Variants in GLIPR2 observed in about 807,000 individuals in gnomAD.
GLIPR2 encodes Golgi-associated plant pathogenesis-related protein 1.
In GLIPR2, 21 loss-of-function variants were observed where a neutral mutation model predicts 20.4. The observed-to-expected ratio is 1.03, with a 90% CI of 0.73 to 1.48. The LOEUF is 1.48. Ranked by LOEUF, GLIPR2 falls within the 40% of genes most tolerant of loss-of-function variation. The probability of loss-of-function intolerance (pLI) is 0.00; values close to 1 mark genes in which losing one functional copy is unlikely to be tolerated. For synonymous variants in GLIPR2, 91 were observed against 80.5 expected, an observed-to-expected ratio of 1.13 and a Z score of -0.70; for missense variants, 205 against 200.1, an observed-to-expected ratio of 1.02 and a Z score of -0.15.
intron 1 of GLIPR2, among the ~76,000 whole-genome samples, chr9:36,140,161 C>CTTG (rs1825010600): frequency 6.6e-6 from 1 of 152,172 alleles, no homozygotes; most frequent in African/African-American, 2.4e-5. Flanking sequence ...CTTGCCCTGA[C>CTTG]ACCCTGCTCC....
chr9:36,149,415 G>A (rs536654847), intron 3 of GLIPR2, among the ~76,000 whole-genome samples: 42 of 152,334 alleles, frequency 2.8e-4, no homozygotes, highest in Middle Eastern at 3.4e-3. Flanking sequence ...GTGCAACGTG[G>A]TCCTTGGCAC....
At chr9:36,161,716 A>G (rs913173472) in intron 4 of GLIPR2, among the ~76,000 whole-genome samples, 10 of 152,108 alleles carry the variant, frequency 6.6e-5, no homozygotes, top group Admixed American at 3.9e-4. Flanking sequence ...ACAAAAGGGG[A>G]TCACTGGAGA....
intron 4 of GLIPR2, among the ~76,000 whole-genome samples, chr9:36,151,916 C>T (rs1416615703): frequency 6.6e-6 from 1 of 152,174 alleles, no homozygotes; most frequent in African/African-American, 2.4e-5. Flanking sequence ...AAGGGACTCT[C>T]TGCCCACCTC....
intron 4 of GLIPR2, among the ~76,000 whole-genome samples, chr9:36,159,998 A>C (rs1825989844): frequency 6.6e-6 from 1 of 152,126 alleles, no homozygotes; most frequent in Non-Finnish European, 1.5e-5. Context: ...GTGTTTGCAA[A>C]CGACTTCTTT....
chr9:36,152,131 T>C (rs1458083096), intron 4 of GLIPR2, among the ~76,000 whole-genome samples: 1 of 152,184 alleles, frequency 6.6e-6, no homozygotes. Context: ...GGCAGAAGCA[T>C]CTGCTGAGGC....
intron 4 of GLIPR2, among the ~76,000 whole-genome samples, chr9:36,161,872 T>A (rs1826068244): frequency 6.6e-6 from 1 of 152,102 alleles, no homozygotes; most frequent in African/African-American, 2.4e-5. Context: ...GTGTGGCTGA[T>A]AGAAAGGACC....
chr9:36,154,684 T>C (rs1017678349), intron 4 of GLIPR2, among the ~76,000 whole-genome samples: 2 of 152,176 alleles, frequency 1.3e-5, no homozygotes, highest in African/African-American at 4.8e-5. Flanking sequence ...GCTAAGGAAG[T>C]TGTGTCATTT....
chr9:36,153,403 C>A (rs1479618784), intron 4 of GLIPR2, among the ~76,000 whole-genome samples: 1 of 152,200 alleles, frequency 6.6e-6, no homozygotes, highest in East Asian at 1.9e-4. Flanking sequence ...TACCAACAGG[C>A]AGTGCCTGGG....
chr9:36,147,092 T>C lies in GLIPR2; in HGVS notation c.14-694T>C, dbSNP rs544112385. On this transcript the variant is annotated intron_variant, in intron 1 of 4. Transcript: ENST00000377960. ...ACACACCAGTCTCCTCTGGAAACAC[T>C]CTCACAGACACACCCCAAAATAATG... 1.4e-3 allele frequency among the ~76,000 whole-genome samples: 214 copies of C among 152,242 alleles called. 2 individuals are homozygous for C. The highest frequency in any genetic ancestry group is 4.9e-3 in the African/African-American group (203 of 41,542).
intron 1 of GLIPR2, chr9:36,146,190 T>C (rs1265366671): frequency 6.6e-6 from 1 of 152,572 alleles, no homozygotes; most frequent in Non-Finnish European, 1.5e-5. Context: ...CATGCTGCAT[T>C]ATCCCATGGA....
rs181205297 is a variant in GLIPR2 at position 36,158,738 on chromosome 9, G to A, written c.305-3624G>A. 1.9e-3 allele frequency among the ~76,000 whole-genome samples: 292 copies of A among 152,334 alleles called. 2 individuals carry two copies. Among genetic ancestry groups the A allele is most frequent in the African/African-American group, 6.4e-3 (266 of 41,580 alleles). ...CTGTAAATGCTAAACCATAAAGATG[G>A]AAGGGATGAACATCTGCCTCTACTC... On this transcript the variant is annotated intron_variant, in intron 4 of 4. Coordinates refer to ENST00000377960, the MANE Select transcript of GLIPR2 (RefSeq NM_022343.4).
intron 1 of GLIPR2, among the ~76,000 whole-genome samples, chr9:36,142,067 T>C (rs2132715504): frequency 6.6e-6 from 1 of 152,280 alleles, no homozygotes; most frequent in South Asian, 2.1e-4. Context: ...CAGTCCCTGA[T>C]ATCCCCCTGG....
At chr9:36,162,189 G>T in intron 4 of GLIPR2, 173 bp from the exon 5 acceptor site, 3 of 1,468,406 alleles carry the variant, frequency 2.0e-6, no homozygotes, top group Non-Finnish European at 2.7e-6. Context: ...GAAAAAAAAA[G>T]AAGTCAGGCA....
At chr9:36,162,181 A>G (rs1206740246) in intron 4 of GLIPR2, 181 bp from the exon 5 acceptor site, 1 of 1,468,914 alleles carries the variant, frequency 6.8e-7, no homozygotes, top group East Asian at 2.5e-5. Flanking sequence ...TCTTGGGGGA[A>G]AAAAAAAGAA....
At chr9:36,138,849 G>A (rs1293762590) in intron 1 of GLIPR2, among the ~76,000 whole-genome samples, 6 of 152,194 alleles carry the variant, frequency 3.9e-5, no homozygotes, top group South Asian at 2.1e-4. Context: ...AGCCGACGAG[G>A]GTTCCTGGAG....
chr9:36,158,024 G>A (rs1825911323), intron 4 of GLIPR2, among the ~76,000 whole-genome samples: 1 of 151,926 alleles, frequency 6.6e-6, no homozygotes, highest in Non-Finnish European at 1.5e-5. Flanking sequence ...CATTGGCCAG[G>A]GTGGTCTTGA....
At chr9:36,153,070 G>A (rs555407416) in intron 4 of GLIPR2, among the ~76,000 whole-genome samples, 4 of 146,642 alleles carry the variant, frequency 2.7e-5, no homozygotes, top group Non-Finnish European at 4.5e-5. Flanking sequence ...AGAGGTTGCC[G>A]TGAGCGGAGA....
chr9:36,140,466 ATCCT>A (rs1825021804), intron 1 of GLIPR2, among the ~76,000 whole-genome samples: 1 of 152,132 alleles, frequency 6.6e-6, no homozygotes, highest in African/African-American at 2.4e-5. Flanking sequence ...CACAGATGTC[ATCCT>A]TCCTTCACAC....
chr9:36,144,955 A>G (rs1825261070), intron 1 of GLIPR2: 1 of 152,186 alleles, frequency 6.6e-6, no homozygotes, highest in African/African-American at 2.4e-5. Context: ...AGATCTGGCT[A>G]TGAGAAAAGG....
Sources: gnomAD v4.1 joint callset for allele counts (sites outside exome capture counted in the v4.1 genomes callset) on GRCh38, gnomAD v4.1.1 for gene constraint, MANE v1.5 for transcripts, NCBI Gene and HGNC (gene_info 2026-07-23, HGNC 2026-07-21) for gene names.